Variants in PSD4 observed in about 807,000 individuals in gnomAD.
PSD4 encodes the protein PH and SEC7 domain-containing protein 4.
Under a neutral mutation model 112.5 loss-of-function variants are expected in PSD4, and 59 were observed. The observed-to-expected ratio is 0.52, with a 90% CI of 0.43 to 0.65. PSD4 has a LOEUF of 0.65. Ranked by LOEUF, PSD4 falls within the 30% of genes least tolerant of loss-of-function variation. The pLI is 0.00. For missense variants in PSD4, 1,267 were observed against 1,352.6 expected (o/e 0.94, Z 0.99); for synonymous variants, 533 against 540.0 (o/e 0.99, Z 0.18).
chr2:113,194,110 C>G (rs1688533167), intron 10 of PSD4, among the ~76,000 whole-genome samples, 162 bp downstream of exon 10: 1 of 152,214 alleles, frequency 6.6e-6, no homozygotes, highest in South Asian at 2.1e-4. Context: ...CCCTGGCGGG[C>G]AGCATCAGAA....
At chr2:113,184,459 C>T (rs1356471946) in intron 2 of PSD4, among the ~76,000 whole-genome samples, 1 of 151,322 alleles carries the variant, frequency 6.6e-6, no homozygotes, top group Non-Finnish European at 1.5e-5. Flanking sequence ...GCTGACCCTC[C>T]ACCTCCCAGG....
At chr2:113,185,259 G>C in intron 3 of PSD4, 106 bp from the exon 4 acceptor site, 1 of 1,553,014 alleles carries the variant, frequency 6.4e-7, no homozygotes, top group South Asian at 1.2e-5. Flanking sequence ...CCTACTCATG[G>C]CATCCTTCCC....
rs200184641 is a variant in PSD4, at chr2:113,182,924, C to T, written c.468C>T (p.Phe156=). Residue 156 remains phenylalanine (F), a synonymous_variant, in exon 2 of 17, where the codon TTC becomes TTT. Coordinates refer to ENST00000245796, the MANE Select transcript of PSD4 (RefSeq NM_012455.3). ...QNRSTSTQVV[F]WAGILQAQMC... The stretch of plus-strand genomic sequence containing the variant: ...GGAGCACGTCCACACAGGTAGTGTT[C>T]TGGGCAGGCATCCTGCAGGCCCAGA... 78 of 1,614,140 alleles carry T rather than the reference C, an allele frequency of 4.8e-5. No individual in the cohort carries two copies. The highest frequency in any genetic ancestry group is 6.7e-5 in the Admixed American group (4 of 60,010).
At chr2:113,196,530 T>G in intron 12 of PSD4, 1 of 499,562 alleles carries the variant, frequency 2.0e-6, no homozygotes, top group Non-Finnish European at 3.5e-6. Context: ...GGCCTAGTTA[T>G]TCCTGGGCCC....
At chr2:113,196,372 C>T (rs1443312175) in intron 12 of PSD4, 65 bp downstream of exon 12, 10 of 1,536,818 alleles carry the variant, frequency 6.5e-6, no homozygotes, top group East Asian at 2.4e-5. Context: ...GGACCTGTGC[C>T]GATGCATGCA....
intron 5 of PSD4, among the ~76,000 whole-genome samples, chr2:113,188,434 G>C (rs45460394): frequency 0.029 from 4,418 of 151,846 alleles, 101 homozygotes; most frequent in South Asian, 0.093. Flanking sequence ...AGTAGAGAGG[G>C]GGCTTCACCA....
chr2:113,199,261 A>C (rs941809283), intron 16 of PSD4, 35 bp downstream of exon 16: 3 of 1,424,448 alleles, frequency 2.1e-6, no homozygotes, highest in Non-Finnish European at 2.7e-6. Flanking sequence ...GCCGCTGCGC[A>C]GCGCCCTCTC....
chr2:113,198,929 T>A (rs1688692446), intron 15 of PSD4, 45 bp downstream of exon 15: 3 of 1,540,916 alleles, frequency 1.9e-6, no homozygotes, highest in Non-Finnish European at 2.6e-6. Context: ...ACTGGGAATG[T>A]GCACCTGGAG....
rs1688894068 is a variant in PSD4, at chr2:113,208,356, C to T, written c.*6941C>T. The T allele has an allele frequency of 6.6e-6, 1 of 152,184 alleles. No individual in the cohort carries two copies. Among genetic ancestry groups the T allele is most frequent in the Non-Finnish European group, 1.5e-5 (1 of 68,046 alleles). 9.4% of individuals were successfully genotyped at this position (152,184 alleles called of 1,614,324 possible). The stretch of plus-strand genomic sequence containing the variant: ...TCTAACTGTCCACAATACATGGCTC[C>T]TCAATATATCTTCCTGAAATTACAA... On this transcript the variant is annotated 3_prime_UTR_variant, in exon 17 of 17. Coordinates refer to ENST00000245796, the MANE Select transcript of PSD4 (RefSeq NM_012455.3).
Position 113,194,052 on chromosome 2 carries a change from C to A in PSD4, c.2181+104C>A, listed in dbSNP as rs1308383759. 6 of 1,092,364 alleles carry A rather than the reference C, an allele frequency of 5.5e-6. No individual in the cohort carries two copies. In the African/African-American group the frequency reaches 6.4e-5, roughly 12 times the overall value. The allele number at this position is 1,092,364 out of a possible 1,614,324, so 67.7% of individuals were successfully genotyped here. A position where few individuals can be genotyped will look rare whatever the true frequency, so the allele number is the denominator to read the frequency against. Reference sequence around the variant, plus strand: ...CTTGGGACTGGCTTTGCCAAAATATCCTTGAGAGAACAGGACTTGTTTATT... The same window carrying A: ...CTTGGGACTGGCTTTGCCAAAATATACTTGAGAGAACAGGACTTGTTTATT... On this transcript the variant is annotated intron_variant, in intron 10 of 16. Transcript: ENST00000245796.
chr2:113,183,263 G>T lies in PSD4; in HGVS notation c.807G>T (p.Gly269=), dbSNP rs138237414. The T allele has an allele frequency of 6.2e-7, 1 of 1,614,094 alleles. No homozygotes were observed. The highest frequency in any genetic ancestry group is 1.1e-5 in the South Asian group (1 of 91,086). Residue 269 remains glycine (G), a synonymous_variant, in exon 2 of 17, where the codon GGG becomes GGT. Transcript: ENST00000245796. ...CTTCTGGAGAGTGCTTTTCCTGGGG[G>T]GCTTCAGACTCCCATGCAGGTGTGA... ...NSASGECFSW[G]ASDSHAGVRT...
intron 10 of PSD4, among the ~76,000 whole-genome samples, chr2:113,194,874 G>T (rs1688551336): frequency 6.6e-6 from 1 of 152,148 alleles, no homozygotes; most frequent in African/African-American, 2.4e-5. Flanking sequence ...ATGGTACATG[G>T]CTGTACTTCA....
intron 16 of PSD4, among the ~76,000 whole-genome samples, chr2:113,199,872 C>T (rs1424693199): frequency 6.6e-6 from 1 of 152,244 alleles, no homozygotes; most frequent in Non-Finnish European, 1.5e-5. Context: ...GTCGCCCAGG[C>T]TGGAGTGCAG....
At chr2:113,198,924 GA>G in intron 15 of PSD4, 40 bp downstream of exon 15, 1 of 1,543,500 alleles carries the variant, frequency 6.5e-7, no homozygotes, top group Non-Finnish European at 8.7e-7. Flanking sequence ...GCGGAACTGG[GA>G]ATGTGCACCT....
Position 113,192,488 on chromosome 2 carries a change from T to C in PSD4, c.1737T>C (p.Ala579=), listed in dbSNP as rs753199982. The C allele has an allele frequency of 6.2e-7, 1 of 1,614,112 alleles. No individual in the cohort carries two copies. The highest frequency in any genetic ancestry group is 1.3e-5 in the African/African-American group (1 of 74,942). The change falls in exon 6 of 17, where the codon GCT becomes GCC. Residue 579 remains alanine, a synonymous_variant. Coordinates refer to ENST00000245796, the MANE Select transcript of PSD4 (RefSeq NM_012455.3). Reference sequence around the variant, plus strand: ...GACCACCAGCTGGAGACAAGCTAGCTAATGGCGTCAGGAACAACAAGGTAG... The same window carrying C: ...GACCACCAGCTGGAGACAAGCTAGCCAATGGCGTCAGGAACAACAAGGTAG... The part of the protein sequence containing the change: ...GQRPPAGDKL[A]NGVRNNKVAW...
At position 113,182,909 on chromosome 2, in the gene PSD4, CACACAGGTAGTG is replaced by C; in HGVS notation, c.454_465del (p.Thr152_Val155del). The C allele has an allele frequency of 3.7e-6, 6 of 1,614,236 alleles. No individual in the cohort carries two copies. The highest frequency in any genetic ancestry group is 5.1e-6 in the Non-Finnish European group (6 of 1,180,046). ...GCCCAAAGCAGAACCGGAGCACGTC[CACACAGGTAGTG>C]TTCTGGGCAGGCATCCTGCAGGCCC... On this transcript the variant is annotated inframe_deletion, in exon 2 of 17. Transcript: ENST00000245796.
At chr2:113,186,460 T>C (rs780903652) in intron 5 of PSD4, among the ~76,000 whole-genome samples, 74 of 152,330 alleles carry the variant, frequency 4.9e-4, no homozygotes, top group Middle Eastern at 3.4e-3. Flanking sequence ...CAGATAGTTA[T>C]ACACGTGGAG....
Position 113,183,458 on chromosome 2 carries a change from AG to A in PSD4, c.1003del (p.Val335TrpfsTer36). 6.3e-7 allele frequency: 1 copy of A among 1,591,328 alleles called. No homozygotes were observed. The highest frequency in any genetic ancestry group is 8.5e-7 in the Non-Finnish European group (1 of 1,169,882). On this transcript the variant is annotated frameshift_variant, in exon 2 of 17. Coordinates refer to ENST00000245796, the MANE Select transcript of PSD4 (RefSeq NM_012455.3). LOFTEE classifies it high-confidence loss of function. Reference protein sequence around the residue: ...YKPHSICWASVAAAEGAPAAP... With the variant: ...YKPHSICWASXAAAEGAPAAP... ...AACCACACTCCATCTGCTGGGCCTC[AG>A]TGGCTGCCGCTGAGGGGGCTCCTGC...
Position 113,201,302 on chromosome 2 carries a change from A to T in PSD4, c.3058A>T (p.Ser1020Cys). 6.2e-7 allele frequency: 1 copy of T among 1,614,158 alleles called. No individual in the cohort carries two copies. The highest frequency in any genetic ancestry group is 8.5e-7 in the Non-Finnish European group (1 of 1,180,032). ...PKLSLKKSHS[S>C]PSLHQDEAPT... Reference sequence around the variant, plus strand: ...GCTCAGCCTGAAGAAGTCCCACTCGAGCCCGTCCCTGCACCAGGATGAGGC... The same window carrying T: ...GCTCAGCCTGAAGAAGTCCCACTCGTGCCCGTCCCTGCACCAGGATGAGGC... The change falls in exon 17 of 17, where the codon AGC becomes TGC. Residue 1020 changes from serine (S) to cysteine (C), a missense_variant. Transcript: ENST00000245796.
Sources: gnomAD v4.1 joint callset for allele counts (sites outside exome capture counted in the v4.1 genomes callset) on GRCh38, gnomAD v4.1.1 for gene constraint, MANE v1.5 for transcripts, NCBI Gene and HGNC (gene_info 2026-07-23, HGNC 2026-07-21) for gene names.